The following RASAL2 variants were observed in gnomAD, a reference collection of about 807,000 sequenced individuals.
RASAL2 encodes RAS protein activator like 2, also known as ras GTPase-activating protein nGAP.
RASAL2 carries 58 observed loss-of-function variants against 128.9 expected under a neutral mutation model. The observed-to-expected ratio is 0.45, with a 90% confidence interval of 0.36 to 0.56. The LOEUF (loss-of-function observed/expected upper bound fraction) is 0.56. Among genes scored for constraint, RASAL2 ranks in the 20% least tolerant of loss-of-function variants. RASAL2 has a pLI of 0.00. For synonymous variants in RASAL2, 561 were observed against 580.8 expected (o/e 0.97, Z 0.49); for missense variants, 1,360 against 1,601.6 (o/e 0.85, Z 2.57).
intron 3 of RASAL2, among the ~76,000 whole-genome samples, chr1:178,362,764 T>G (rs997994905): frequency 2.0e-5 from 3 of 152,116 alleles, no homozygotes; most frequent in African/African-American, 7.2e-5. Context: ...CATGCAGTGT[T>G]TTTCTCTGTG....
Position 178,457,831 on chromosome 1 carries a change from A to G in RASAL2, c.2539A>G (p.Ser847Gly). ...ERESSLPNGRSVSLMDLQDTH... is the reference protein window; with the variant it reads ...ERESSLPNGRGVSLMDLQDTH... ...GGAAAGTAGCCTTCCTAATGGTCGG[A>G]GCGTCTCCCTCATGGACCTCCAGGA... Residue 847 changes from serine (S) to glycine (G), a missense_variant, in exon 14 of 18, where the codon AGC (serine) becomes GGC (glycine). This residue lies in a region of RASAL2 where 741 missense variants were observed against 868.6 expected (regional missense o/e 0.85). Transcript: ENST00000367649. 1 of 1,614,184 alleles carries G rather than the reference A, an allele frequency of 6.2e-7. No homozygotes were observed. The highest frequency in any genetic ancestry group is 8.5e-7 in the Non-Finnish European group (1 of 1,180,044).
At chr1:178,344,812 G>A (rs1337044080) in intron 3 of RASAL2, among the ~76,000 whole-genome samples, 1 of 152,140 alleles carries the variant, frequency 6.6e-6, no homozygotes, top group Non-Finnish European at 1.5e-5. Flanking sequence ...TTGTCCTGTT[G>A]TTCCTAGTGG....
intron 1 of RASAL2, among the ~76,000 whole-genome samples, chr1:178,154,505 T>C (rs1661016737): frequency 6.6e-6 from 1 of 152,216 alleles, no homozygotes; most frequent in Non-Finnish European, 1.5e-5. Context: ...CACACTGTTT[T>C]ACACTCCTAT....
chr1:178,426,098 C>G (rs954196488), intron 5 of RASAL2, among the ~76,000 whole-genome samples: 5 of 152,088 alleles, frequency 3.3e-5, no homozygotes, highest in African/African-American at 1.2e-4. Context: ...ACATTTATAT[C>G]TGTAGGTTTT....
At chr1:178,144,229 A>G (rs1215447924) in intron 1 of RASAL2, among the ~76,000 whole-genome samples, 2 of 152,080 alleles carry the variant, frequency 1.3e-5, no homozygotes, top group Non-Finnish European at 2.9e-5. Context: ...AAAGTTGATC[A>G]CTTCCTCTCT....
intron 2 of RASAL2, among the ~76,000 whole-genome samples, chr1:178,287,540 A>G (rs1330900894): frequency 6.6e-6 from 1 of 152,186 alleles, no homozygotes; most frequent in Non-Finnish European, 1.5e-5. Flanking sequence ...TGTTTACAGC[A>G]CACATGTTTA....
chr1:178,349,978 T>G (rs1310995575), intron 3 of RASAL2, among the ~76,000 whole-genome samples: 2 of 152,238 alleles, frequency 1.3e-5, no homozygotes, highest in Non-Finnish European at 2.9e-5. Context: ...CCGTCTTATC[T>G]TCTCAGATTA....
chr1:178,411,991 G>T, intron 4 of RASAL2: 1 of 557,408 alleles, frequency 1.8e-6, no homozygotes, highest in South Asian at 2.1e-5. Context: ...ACAGGAAGTG[G>T]GGTCGCTGTG....
chr1:178,108,867 A>G (rs1659194268), intron 1 of RASAL2, among the ~76,000 whole-genome samples: 1 of 152,226 alleles, frequency 6.6e-6, no homozygotes, highest in Non-Finnish European at 1.5e-5. Context: ...AACCGTAGAT[A>G]ACATGAGGAA....
chr1:178,441,284 A>G (rs1300713727), intron 6 of RASAL2, among the ~76,000 whole-genome samples: 1 of 152,166 alleles, frequency 6.6e-6, no homozygotes, highest in Non-Finnish European at 1.5e-5. Context: ...CATTTTCGTC[A>G]GAGGATGAGA....
chr1:178,470,743 G>C, intron 17 of RASAL2: 1 of 1,363,984 alleles, frequency 7.3e-7, no homozygotes, highest in Non-Finnish European at 9.8e-7. Flanking sequence ...CCCCGCGTCC[G>C]TTCTCTAGCT....
At chr1:178,456,501 G>T (rs776197600) in intron 12 of RASAL2, 2 of 625,144 alleles carry the variant, frequency 3.2e-6, no homozygotes, top group Admixed American at 5.2e-5. Flanking sequence ...TTCTTTCCTC[G>T]ATGTCTGCCG....
At chr1:178,310,420 G>T (rs918967022) in intron 3 of RASAL2, among the ~76,000 whole-genome samples, 1 of 152,038 alleles carries the variant, frequency 6.6e-6, no homozygotes, top group African/African-American at 2.4e-5. Context: ...ACATTTTCCT[G>T]ATTTTCTTTT....
At chr1:178,106,401 C>G (rs1471837252) in intron 1 of RASAL2, among the ~76,000 whole-genome samples, 3 of 152,096 alleles carry the variant, frequency 2.0e-5, no homozygotes, top group African/African-American at 4.8e-5. Context: ...TCAAGACTGC[C>G]CTTGAGTGAG....
chr1:178,217,196 A>G (rs544934289), intron 1 of RASAL2, among the ~76,000 whole-genome samples: 1 of 152,170 alleles, frequency 6.6e-6, no homozygotes, highest in Non-Finnish European at 1.5e-5. Flanking sequence ...GCTGGTCTTG[A>G]ACTCCCAACC....
At chr1:178,173,721 A>G (rs1283225277) in intron 1 of RASAL2, among the ~76,000 whole-genome samples, 1 of 151,994 alleles carries the variant, frequency 6.6e-6, no homozygotes, top group Non-Finnish European at 1.5e-5. Flanking sequence ...TTTTTCCTAG[A>G]AGTAAGGATT....
intron 1 of RASAL2, among the ~76,000 whole-genome samples, chr1:178,182,751 G>A (rs1168712954): frequency 2.0e-5 from 3 of 148,870 alleles, no homozygotes; most frequent in African/African-American, 7.4e-5. Context: ...GTGGTTTTCA[G>A]AATTGTTAAT....
chr1:178,335,354 A>T (rs1669534959), intron 3 of RASAL2, among the ~76,000 whole-genome samples: 1 of 152,168 alleles, frequency 6.6e-6, no homozygotes, highest in African/African-American at 2.4e-5. Context: ...GATTAAATTC[A>T]TTGGCCTATT....
chr1:178,313,358 T>A (rs938221210), intron 3 of RASAL2, among the ~76,000 whole-genome samples: 4 of 152,194 alleles, frequency 2.6e-5, no homozygotes, highest in Non-Finnish European at 4.4e-5. Context: ...TGATGTTAAC[T>A]ACCAAAACAA....
Sources: allele counts gnomAD v4.1 joint callset (sites outside exome capture counted in the v4.1 genomes callset), GRCh38; gene constraint gnomAD v4.1.1; regional missense constraint gnomAD v4.1.1; transcripts MANE v1.5; gene names NCBI Gene and HGNC (gene_info 2026-07-23, HGNC 2026-07-21).